The following AAK1 variants were observed in gnomAD, a reference collection of about 807,000 sequenced individuals.
AAK1 encodes the protein AP2-associated protein kinase 1.
Under a neutral mutation model 116.0 loss-of-function variants are expected in AAK1, and 37 were observed. That is an observed-to-expected ratio of 0.32 (90% CI 0.25 to 0.42). The LOEUF is 0.42. Among genes scored for constraint, AAK1 ranks in the 10% least tolerant of loss-of-function variants. The pLI is 1.00. For missense variants in AAK1, 919 were observed against 1,170.6 expected (o/e 0.79, Z 3.14); for synonymous variants, 458 against 439.9 (o/e 1.04, Z -0.51).
chr2:69,556,400 G>A (rs1272386442), intron 3 of AAK1, among the ~76,000 whole-genome samples: 4 of 152,142 alleles, frequency 2.6e-5, no homozygotes, highest in African/African-American at 9.7e-5. Context: ...AAGCATTCCA[G>A]GTCGAAAGAA....
chr2:69,616,294 C>A (rs1000264933), intron 2 of AAK1, among the ~76,000 whole-genome samples: 2 of 152,106 alleles, frequency 1.3e-5, no homozygotes, highest in Non-Finnish European at 2.9e-5. Flanking sequence ...CCATGCCCAG[C>A]TGCACAACAT....
At chr2:69,507,600 C>T (rs372680972) in intron 14 of AAK1, 22 bp from the exon 15 acceptor site, 172 of 1,545,772 alleles carry the variant, frequency 1.1e-4, no homozygotes, top group Middle Eastern at 1.7e-4. Context: ...CCCACCCCCA[C>T]GAAACAAAAA....
chr2:69,600,904 GGTCA>G (rs1452312810), intron 2 of AAK1, among the ~76,000 whole-genome samples: 2 of 152,056 alleles, frequency 1.3e-5, no homozygotes, highest in Admixed American at 6.6e-5. Flanking sequence ...CCACCCCCCT[GGTCA>G]GTCAGCAGTT....
chr2:69,466,168 G>A lies in AAK1; in HGVS notation c.*9701C>T. ...TCAGTGGCTGGCTGTGTGAAGGCTT[G>A]AAACTGGTTCTTTCTTCCACCTTGC... On this transcript the variant is annotated 3_prime_UTR_variant, in exon 22 of 22. Coordinates refer to ENST00000409085, the MANE Select transcript of AAK1 (RefSeq NM_014911.5). The A allele has an allele frequency of 7.8e-7, 1 of 1,290,060 alleles. No homozygotes were observed. Among genetic ancestry groups the A allele is most frequent in the Non-Finnish European group, 1.0e-6 (1 of 988,866 alleles). The allele number at this position is 1,290,060 out of a possible 1,614,324, so 79.9% of individuals were successfully genotyped here.
chr2:69,562,783 G>A (rs933020545), intron 2 of AAK1, among the ~76,000 whole-genome samples: 12 of 152,154 alleles, frequency 7.9e-5, no homozygotes, highest in Admixed American at 2.0e-4. Context: ...CCAGCTACTC[G>A]GAAGCCTGAG....
intron 2 of AAK1, among the ~76,000 whole-genome samples, chr2:69,616,355 T>C (rs1371152577): frequency 1.3e-5 from 2 of 152,190 alleles, no homozygotes; most frequent in Admixed American, 6.5e-5. Context: ...TGGTTAATTA[T>C]GTTATGTGAA....
chr2:69,577,375 C>T (rs534878226), intron 2 of AAK1, among the ~76,000 whole-genome samples: 1 of 152,322 alleles, frequency 6.6e-6, no homozygotes, highest in Non-Finnish European at 1.5e-5. Context: ...ACCTGACTTT[C>T]CACTGTCTGA....
At chr2:69,495,074 G>A (rs949869278) in intron 17 of AAK1, among the ~76,000 whole-genome samples, 1 of 152,058 alleles carries the variant, frequency 6.6e-6, no homozygotes, top group Non-Finnish European at 1.5e-5. Context: ...AGTTGGTAGG[G>A]GCAACAATGG....
intron 2 of AAK1, among the ~76,000 whole-genome samples, chr2:69,611,180 G>T (rs1025169357): frequency 6.6e-6 from 1 of 152,176 alleles, no homozygotes; most frequent in Non-Finnish European, 1.5e-5. Context: ...CCCTCAATGT[G>T]GGTGGGCACC....
At position 69,475,947 on chromosome 2, in the gene AAK1, G is replaced by A. The variant is rs746443874; in HGVS notation, c.2808C>T (p.Asn936=). 1.2e-6 allele frequency: 2 copies of A among 1,612,018 alleles called. No individual in the cohort carries two copies. The highest frequency in any genetic ancestry group is 2.2e-5 in the East Asian group (1 of 44,838). Residue 936 remains asparagine (N), a synonymous_variant, in exon 22 of 22, where the codon AAC becomes AAT. Transcript: ENST00000409085. ...TKNPQGGHSR[N]SSGSSESSLP... is the part of the protein sequence containing the mutation. ...GACTGGACTCAGAGCTCCCACTGCT[G>A]TTTCTAGAGTGCCCACCTGGAAGTG...
chr2:69,584,373 A>G (rs1471221748), intron 2 of AAK1, among the ~76,000 whole-genome samples: 1 of 152,210 alleles, frequency 6.6e-6, no homozygotes, highest in African/African-American at 2.4e-5. Context: ...CTTTAATTAT[A>G]ATTCGCTCTT....
chr2:69,598,504 C>T (rs1487496176), intron 2 of AAK1: 1 of 166,210 alleles, frequency 6.0e-6, no homozygotes, highest in African/African-American at 2.4e-5. Flanking sequence ...AAGACACAAA[C>T]GTTTTCTTTT....
In AAK1 at chr2:69,466,923, A is replaced by G. The variant is rs1262458358; in HGVS notation, c.*8946T>C. The G allele has an allele frequency of 2.0e-6, 2 of 985,306 alleles. No individual in the cohort carries two copies. Among genetic ancestry groups the G allele is most frequent in the African/African-American group, 3.5e-5 (2 of 57,234 alleles). The allele number at this position is 985,306 out of a possible 1,614,324, so 61.0% of individuals were successfully genotyped here. A position where few individuals can be genotyped will look rare whatever the true frequency, so the allele number is the denominator to read the frequency against. ...CCAGTCATTCATCTCCACATATACCATGACAGTTTTGGATTATGTAGAAAC... is the reference window on the plus strand; with the variant it reads ...CCAGTCATTCATCTCCACATATACCGTGACAGTTTTGGATTATGTAGAAAC... On this transcript the variant is annotated 3_prime_UTR_variant, in exon 22 of 22. Coordinates refer to ENST00000409085, the MANE Select transcript of AAK1 (RefSeq NM_014911.5).
chr2:69,575,501 C>T (rs141848552), intron 2 of AAK1, among the ~76,000 whole-genome samples: 7,000 of 140,394 alleles, frequency 0.05, 445 homozygotes, highest in East Asian at 0.19. Flanking sequence ...CAGAGTTTCA[C>T]TCTTGTCGCC....
intron 17 of AAK1, among the ~76,000 whole-genome samples, chr2:69,491,245 TTTC>T (rs1408104186): frequency 6.6e-6 from 1 of 152,112 alleles, no homozygotes; most frequent in Non-Finnish European, 1.5e-5. Flanking sequence ...CCCAGCCTCT[TTTC>T]TACCATATTT....
chr2:69,458,242 CCTT>C lies in AAK1; in HGVS notation c.*17624_*17626del, dbSNP rs1219430453. On this transcript the variant is annotated 3_prime_UTR_variant, in exon 22 of 22. Coordinates refer to ENST00000409085, the MANE Select transcript of AAK1 (RefSeq NM_014911.5). The stretch of plus-strand genomic sequence containing the variant: ...TCTGAGGCCTGATGACCTCAATACT[CCTT>C]CTGGCTGGAGAGACCTCCTCATTCA... 3.3e-5 allele frequency: 5 copies of C among 152,222 alleles called. No individual in the cohort carries two copies. Among genetic ancestry groups the C allele is most frequent in the Non-Finnish European group, 7.3e-5 (5 of 68,046 alleles). 9.4% of individuals were successfully genotyped at this position (152,222 alleles called of 1,614,324 possible).
intron 13 of AAK1, among the ~76,000 whole-genome samples, chr2:69,512,715 A>G (rs1676437279): frequency 6.6e-6 from 1 of 152,242 alleles, no homozygotes; most frequent in Non-Finnish European, 1.5e-5. Context: ...CTCTGTCCCC[A>G]AAACCAACTA....
intron 2 of AAK1, among the ~76,000 whole-genome samples, chr2:69,625,229 C>A (rs1674841978): frequency 6.6e-6 from 1 of 152,198 alleles, no homozygotes; most frequent in Admixed American, 6.5e-5. Context: ...GTCCAGTCCA[C>A]AGCAGATTAA....
In AAK1 at chr2:69,509,375, G is replaced by A; in HGVS notation, c.1862C>T (p.Pro621Leu). 6.2e-7 allele frequency: 1 copy of A among 1,613,982 alleles called. No individual in the cohort carries two copies. Among genetic ancestry groups the A allele is most frequent in the Non-Finnish European group, 8.5e-7 (1 of 1,179,882 alleles). The change falls in exon 14 of 22, where the codon CCA becomes CTA. Residue 621 changes from proline (P) to leucine (L), a missense_variant. By Grantham distance (98) the Pro-to-Leu change is moderately conservative (BLOSUM62 -3). This residue lies in a region of AAK1 where 125 missense variants were observed against 184.1 expected (regional missense o/e 0.68). Transcript: ENST00000409085. Reference sequence around the variant, plus strand: ...ACGTTGGGTTTTGGGGGATGAGGGTGGAGTGAGAGATCCAACTTTCTGCCC... The same window carrying A: ...ACGTTGGGTTTTGGGGGATGAGGGTAGAGTGAGAGATCCAACTTTCTGCCC... ...VQGQKVGSLT[P>L]PSSPKTQRAG...
Sources: gnomAD v4.1 joint callset for allele counts (sites outside exome capture counted in the v4.1 genomes callset) on GRCh38, gnomAD v4.1.1 for gene constraint, gnomAD v4.1.1 regional missense constraint, MANE v1.5 for transcripts, NCBI Gene and HGNC (gene_info 2026-07-23, HGNC 2026-07-21) for gene names.